ZIK1: variants seen among roughly 807,000 people sequenced by gnomAD.
ZIK1 encodes zinc finger protein interacting with K protein 1, also known as zinc finger protein interacting with ribonucleoprotein K.
A neutral mutation model predicts 10.7 loss-of-function variants in ZIK1; 12 were observed. The ratio of observed to expected loss-of-function variants is 1.12; its 90% CI spans 0.72 to 1.81. The LOEUF is 1.81. Ranked by LOEUF, ZIK1 falls within the 40% of genes most tolerant of loss-of-function variation. The pLI, the probability that ZIK1 is intolerant of heterozygous loss-of-function variation, is 0.00. For synonymous variants in ZIK1, 190 were observed against 205.0 expected, an observed-to-expected ratio of 0.93 and a Z score of 0.63; for missense variants, 497 against 585.7, an observed-to-expected ratio of 0.85 and a Z score of 1.56.
In ZIK1 at chr19:57,590,551, C is replaced by T. The variant is rs775135297; in HGVS notation, c.740C>T (p.Ala247Val). ...TATGAGTGTAGCAAATGTGGGAAAG[C>T]CTTCCGTGGCAAGTACTCACTTGTT... is the stretch of plus-strand genomic sequence containing the variant. ...KLYECSKCGK[A>V]FRGKYSLVQH... Residue 247 changes from alanine (A) to valine (V), a missense_variant, in exon 4 of 4, where the codon GCC becomes GTC. Coordinates refer to ENST00000597850, the MANE Select transcript of ZIK1 (RefSeq NM_001010879.4). The T allele has an allele frequency of 6.2e-7, 1 of 1,614,160 alleles. No individual in the cohort carries two copies. Among genetic ancestry groups the T allele is most frequent in the Non-Finnish European group, 8.5e-7 (1 of 1,180,024 alleles).
intron 1 of ZIK1, 60 bp from the exon 2 acceptor site, chr19:57,584,892 G>T: frequency 2.5e-6 from 4 of 1,581,962 alleles, no homozygotes; most frequent in Admixed American, 1.8e-5. Flanking sequence ...ATCCAGGGAA[G>T]CCTGAATCCG....
rs1199526638 is a variant in ZIK1 at position 57,591,803 on chromosome 19, A to G, written c.*528A>G. On this transcript the variant is annotated 3_prime_UTR_variant, in exon 4 of 4. Transcript: ENST00000597850. ...TGCCTCACATTGCTCCAGTTTGTGCACTAATAAAAGCCTTATATTTGAATC... is the reference window on the plus strand; with the variant it reads ...TGCCTCACATTGCTCCAGTTTGTGCGCTAATAAAAGCCTTATATTTGAATC... The G allele has an allele frequency of 1.3e-5, 2 of 155,694 alleles. No individual in the cohort carries two copies. The highest frequency in any genetic ancestry group is 2.8e-5 in the Non-Finnish European group (2 of 70,202). 9.6% of individuals were successfully genotyped at this position (155,694 alleles called of 1,614,324 possible). A position where few individuals can be genotyped will look rare whatever the true frequency, so the allele number is the denominator to read the frequency against.
At position 57,590,460 on chromosome 19, in the gene ZIK1, G is replaced by C. The variant is rs751936303; in HGVS notation, c.649G>C (p.Gly217Arg). 3.1e-6 allele frequency: 5 copies of C among 1,614,156 alleles called. No homozygotes were observed. ...AAGTCATTACAAGTCAGGTGAATGT[G>C]GGAAGGCTTCCAGGCACAAACACAC... ...QKSHYKSGECGKASRHKHTPV... is the reference protein window; with the variant it reads ...QKSHYKSGECRKASRHKHTPV... The change falls in exon 4 of 4, where the codon GGG (glycine) becomes CGG (arginine). Residue 217 changes from glycine (G) to arginine (R), a missense_variant. By Grantham distance (125) the Gly-to-Arg change is moderately radical. Coordinates refer to ENST00000597850, the MANE Select transcript of ZIK1 (RefSeq NM_001010879.4).
At position 57,591,448 on chromosome 19, in the gene ZIK1, C is replaced by A; in HGVS notation, c.*173C>A. 1.5e-6 allele frequency: 1 copy of A among 650,004 alleles called. No homozygotes were observed. The highest frequency in any genetic ancestry group is 2.6e-6 in the Non-Finnish European group (1 of 386,814). 40.3% of individuals were successfully genotyped at this position (650,004 alleles called of 1,614,324 possible). On this transcript the variant is annotated 3_prime_UTR_variant, in exon 4 of 4. Transcript: ENST00000597850. Reference sequence around the variant, plus strand: ...AGGGAGCCATCTGCCTGAAGTTGAACCTCATTCTTCCTTGTTTCTCTGGTA... The same window carrying A: ...AGGGAGCCATCTGCCTGAAGTTGAAACTCATTCTTCCTTGTTTCTCTGGTA...
chr19:57,591,390 T>C lies in ZIK1; in HGVS notation c.*115T>C. 6.6e-6 allele frequency: 7 copies of C among 1,061,810 alleles called. No homozygotes were observed. The highest frequency in any genetic ancestry group is 9.4e-6 in the Non-Finnish European group (7 of 746,162). 65.8% of individuals were successfully genotyped at this position (1,061,810 alleles called of 1,614,324 possible). On this transcript the variant is annotated 3_prime_UTR_variant, in exon 4 of 4. Transcript: ENST00000597850. ...TTAGACCTACAGGGAAAGTGCTGTC[T>C]CTGTAGTATTGTAGCAGTAGAGAGC... is the stretch of plus-strand genomic sequence containing the variant.
At chr19:57,589,588 A>G (rs994865183) in intron 3 of ZIK1, 1 of 985,326 alleles carries the variant, frequency 1.0e-6, no homozygotes, top group African/African-American at 1.7e-5. Context: ...ACATGAAGAT[A>G]TGTGATCATA....
Position 57,591,371 on chromosome 19 carries a change from C to T in ZIK1, c.*96C>T. On this transcript the variant is annotated 3_prime_UTR_variant, in exon 4 of 4. Transcript: ENST00000597850. The stretch of plus-strand genomic sequence containing the variant: ...TCCACACTTAAGTAGAGCCTTAGAC[C>T]TACAGGGAAAGTGCTGTCTCTGTAG... 1 of 1,274,156 alleles carries T rather than the reference C, an allele frequency of 7.8e-7. No individual in the cohort carries two copies. The allele number at this position is 1,274,156 out of a possible 1,614,324, so 78.9% of individuals were successfully genotyped here.
chr19:57,585,679 T>G (rs1362874781), intron 2 of ZIK1, among the ~76,000 whole-genome samples: 1 of 152,130 alleles, frequency 6.6e-6, no homozygotes, highest in African/African-American at 2.4e-5. Flanking sequence ...TCAAATAGCA[T>G]GTTATAGGAT....
intron 2 of ZIK1, 39 bp downstream of exon 2, chr19:57,585,029 C>T (rs368575714): frequency 5.0e-5 from 80 of 1,592,006 alleles, no homozygotes; most frequent in Non-Finnish European, 6.2e-5. Flanking sequence ...TGGTCCTGGC[C>T]CCATCCTGGG....
In ZIK1 at chr19:57,584,382, C is replaced by T. The variant is rs1978938250; in HGVS notation, c.26C>T (p.Pro9Leu). The T allele has an allele frequency of 2.5e-6, 4 of 1,607,500 alleles. No homozygotes were observed. The highest frequency in any genetic ancestry group is 2.5e-6 in the Non-Finnish European group (3 of 1,177,856). Reference protein sequence around the residue: MAAAALRAPTQVTVSPETH... With the variant: MAAAALRALTQVTVSPETH... ...ATGGCTGCGGCCGCGCTGAGGGCCC[C>T]GACTCAGGTGAGCGCTGCCTCTACT... The change falls in exon 1 of 4, where the codon CCG becomes CTG. Residue 9 changes from proline to leucine, a missense_variant. Physicochemically the swap from Pro to Leu is moderately conservative, Grantham distance 98. Transcript: ENST00000597850.
At position 57,590,191 on chromosome 19, in the gene ZIK1, G is replaced by T. The variant is rs1979532677; in HGVS notation, c.380G>T (p.Gly127Val). 5.0e-6 allele frequency: 8 copies of T among 1,614,204 alleles called. No homozygotes were observed. The highest frequency in any genetic ancestry group is 6.8e-6 in the Non-Finnish European group (8 of 1,180,048). ...DLPGQKPYLV[G>V]ECTNHHQHQK... ...CCTGGGCAGAAACCATACTTGGTTG[G>T]AGAATGTACAAACCATCACCAGCAC... Residue 127 changes from glycine (G) to valine (V), a missense_variant, in exon 4 of 4, where the codon GGA (glycine) becomes GTA (valine). By Grantham distance (109) the Gly-to-Val change is moderately radical. Coordinates refer to ENST00000597850, the MANE Select transcript of ZIK1 (RefSeq NM_001010879.4).
intron 3 of ZIK1, 135 bp from the exon 4 acceptor site, chr19:57,589,876 C>A: frequency 8.4e-7 from 1 of 1,184,714 alleles, no homozygotes; most frequent in Non-Finnish European, 1.2e-6. Flanking sequence ...GCAAAGCAAC[C>A]CCTTCCTCAA....
intron 3 of ZIK1, 132 bp from the exon 4 acceptor site, chr19:57,589,879 T>A (rs1979496905): frequency 8.3e-7 from 1 of 1,202,908 alleles, no homozygotes; most frequent in African/African-American, 1.5e-5. Flanking sequence ...AAGCAACCCC[T>A]TCCTCAACTT....
intron 1 of ZIK1, chr19:57,584,599 C>A: frequency 3.6e-6 from 5 of 1,399,846 alleles, no homozygotes; most frequent in Non-Finnish European, 4.6e-6. Context: ...AAGGTTCATA[C>A]CTGGAGTGCC....
intron 2 of ZIK1, among the ~76,000 whole-genome samples, chr19:57,586,453 C>G (rs1568612849): frequency 6.6e-6 from 1 of 152,098 alleles, no homozygotes; most frequent in Non-Finnish European, 1.5e-5. Context: ...ATCCCAGCTA[C>G]TAGGGAGGCT....
At chr19:57,585,393 G>A (rs1280129889) in intron 2 of ZIK1, among the ~76,000 whole-genome samples, 3 of 152,264 alleles carry the variant, frequency 2.0e-5, no homozygotes, top group Admixed American at 6.5e-5. Context: ...TCTGACACTG[G>A]TCTCATCAGG....
At chr19:57,589,887 C>G in intron 3 of ZIK1, 124 bp from the exon 4 acceptor site, 2 of 1,249,086 alleles carry the variant, frequency 1.6e-6, no homozygotes, top group East Asian at 5.1e-5. Context: ...CCTTCCTCAA[C>G]TTGCCCCCAG....
rs200964924 is a variant in ZIK1 at position 57,590,822 on chromosome 19, C to G, written c.1011C>G (p.Thr337=). 1.8e-5 allele frequency: 29 copies of G among 1,613,402 alleles called. No homozygotes were observed. In the African/African-American group the frequency reaches 2.7e-4, roughly 15 times the overall value. Residue 337 remains threonine (T), a synonymous_variant, in exon 4 of 4, where the codon ACC becomes ACG. Coordinates refer to ENST00000597850, the MANE Select transcript of ZIK1 (RefSeq NM_001010879.4). ...QCGKSFSQKA[T]LVKHQRVHTG... ...GGAAATCCTTTAGCCAAAAAGCCAC[C>G]CTTGTTAAACACCAAAGAGTTCACA...
In ZIK1 at chr19:57,592,835, AAG is replaced by A. The variant is rs1228171414; in HGVS notation, c.*1563_*1564del. 1.3e-5 allele frequency: 2 copies of A among 152,172 alleles called. No homozygotes were observed. Among genetic ancestry groups the A allele is most frequent in the African/African-American group, 2.4e-5 (1 of 41,418 alleles). The allele number at this position is 152,172 out of a possible 1,614,324, so 9.4% of individuals were successfully genotyped here. ...ACATCCATTTATGGTGTATAATTTG[AAG>A]AGTTTGTCATACAAGCCTGTGAAAC... On this transcript the variant is annotated 3_prime_UTR_variant, in exon 4 of 4. Coordinates refer to ENST00000597850, the MANE Select transcript of ZIK1 (RefSeq NM_001010879.4).
Sources: allele counts gnomAD v4.1 joint callset (sites outside exome capture counted in the v4.1 genomes callset), GRCh38; gene constraint gnomAD v4.1.1; transcripts MANE v1.5; gene names NCBI Gene and HGNC (gene_info 2026-07-23, HGNC 2026-07-21).